KIFC2: variants seen among roughly 807,000 people sequenced by gnomAD.
KIFC2 encodes kinesin family member C2.
KIFC2 carries 94 observed loss-of-function variants against 91.5 expected under a neutral mutation model. The observed-to-expected ratio is 1.03, with a 90% CI of 0.87 to 1.22. The LOEUF is 1.22. Among genes scored for constraint, KIFC2 ranks in the 50% most tolerant of loss-of-function variants. The probability of loss-of-function intolerance (pLI) is 0.00; values close to 1 mark genes in which losing one functional copy is unlikely to be tolerated. For synonymous variants in KIFC2, 729 were observed against 503.9 expected (o/e 1.45, Z -5.98); for missense variants, 1,357 against 1,103.3 (o/e 1.23, Z -3.26).
chr8:144,473,121 C>T lies in KIFC2; in HGVS notation c.2119-11C>T. The T allele has an allele frequency of 6.4e-7, 1 of 1,552,648 alleles. No homozygotes were observed. The highest frequency in any genetic ancestry group is 8.7e-7 in the Non-Finnish European group (1 of 1,149,138). On this transcript the variant is annotated splice_polypyrimidine_tract_variant and intron_variant, in intron 17 of 17. Transcript: ENST00000645548. ...CACCCGGGCCCGCCCACCCGCGCCT[C>T]TTGCCCGCAGATCTCCACGCGGCCG...
chr8:144,472,537 G>A, intron 15 of KIFC2, 40 bp from the exon 16 acceptor site: 2 of 1,612,000 alleles, frequency 1.2e-6, no homozygotes, highest in Non-Finnish European at 1.7e-6. Context: ...CTTGGGGGCG[G>A]GGACCCTGCA....
rs377131841 is a variant in KIFC2 at position 144,472,064 on chromosome 8, C to T, written c.1485+18C>T. On this transcript the variant is annotated intron_variant, in intron 13 of 17. Transcript: ENST00000645548. ...GCATGGAGGTGGGACAGAGCTCACG[C>T]CCCAGTGGGAGAGGCCCCAGGGGCC... The T allele has an allele frequency of 1.4e-5, 22 of 1,613,272 alleles. No homozygotes were observed. Among genetic ancestry groups the T allele is most frequent in the South Asian group, 2.2e-5 (2 of 91,090 alleles).
chr8:144,473,439 C>T lies in KIFC2; in HGVS notation c.*50C>T. 3 of 1,533,476 alleles carry T rather than the reference C, an allele frequency of 2.0e-6. No homozygotes were observed. The highest frequency in any genetic ancestry group is 1.7e-6 in the Non-Finnish European group (2 of 1,144,828). The allele number at this position is 1,533,476 out of a possible 1,614,324, so 95.0% of individuals were successfully genotyped here. ...GGGTCTCAGGCCAGGTCTCTGCTGG[C>T]AGAGGCGGTAGTAAAGTCCCTGTAC... On this transcript the variant is annotated 3_prime_UTR_variant, in exon 18 of 18. Transcript: ENST00000645548.
upstream of KIFC2, chr8:144,466,328 A>G: frequency 2.9e-6 from 1 of 342,782 alleles, no homozygotes; most frequent in Non-Finnish European, 4.6e-6. Flanking sequence ...CGTCGCGAGC[A>G]TGCGCACCGG....
chr8:144,470,505 C>T (rs1341288176), intron 12 of KIFC2: 1 of 152,306 alleles, frequency 6.6e-6, no homozygotes, highest in African/African-American at 2.4e-5. Context: ...CTCAGTGCCA[C>T]CTCCATCCAA....
rs927326144 is a variant in KIFC2 at position 144,473,749 on chromosome 8, C to T, written c.*360C>T. Reference sequence around the variant, plus strand: ...GCATGGCATTAAAACGTTGCAAATTCCTTTACTGTTATCCCCCCCACCACC... The same window carrying T: ...GCATGGCATTAAAACGTTGCAAATTTCTTTACTGTTATCCCCCCCACCACC... On this transcript the variant is annotated 3_prime_UTR_variant, in exon 18 of 18. Coordinates refer to ENST00000645548, the MANE Select transcript of KIFC2 (RefSeq NM_001369769.2). The T allele has an allele frequency of 4.7e-6, 2 of 428,288 alleles. No homozygotes were observed. The highest frequency in any genetic ancestry group is 2.1e-5 in the African/African-American group (1 of 48,748). The allele number at this position is 428,288 out of a possible 1,614,324, so 26.5% of individuals were successfully genotyped here. A position where few individuals can be genotyped will look rare whatever the true frequency, so the allele number is the denominator to read the frequency against.
Position 144,472,517 on chromosome 8 carries a change from C to A in KIFC2, c.1731+33C>A, listed in dbSNP as rs576779491. 5.6e-6 allele frequency: 9 copies of A among 1,611,422 alleles called. No individual in the cohort carries two copies. The Admixed American group carries it at 1.0e-4, about 18-fold the overall frequency. Reference sequence around the variant, plus strand: ...TGCACCGCTCTCCGAGACCCCGCCCCGTGCTTCCACTTGGGGGCGGGGACC... The same window carrying A: ...TGCACCGCTCTCCGAGACCCCGCCCAGTGCTTCCACTTGGGGGCGGGGACC... On this transcript the variant is annotated intron_variant, in intron 15 of 17. Coordinates refer to ENST00000645548, the MANE Select transcript of KIFC2 (RefSeq NM_001369769.2).
At chr8:144,470,072 C>A (rs1188183026) in intron 12 of KIFC2, among the ~76,000 whole-genome samples, 1 of 152,252 alleles carries the variant, frequency 6.6e-6, no homozygotes, top group African/African-American at 2.4e-5. Flanking sequence ...CAGCCCCAGC[C>A]CACCCCACTT....
rs1358864090 is a variant in KIFC2, at chr8:144,467,406, G to A, written c.469+65G>A. 3.2e-6 allele frequency: 5 copies of A among 1,544,982 alleles called. No homozygotes were observed. In the South Asian group the frequency reaches 3.7e-5, roughly 12 times the overall value. ...GAGCAAATCCCGGTAGAACCTGGGC[G>A]GCCTGGAGTTCGGGGTCATGTTCCG... On this transcript the variant is annotated intron_variant, in intron 4 of 17. Transcript: ENST00000645548.
rs2129996290 is a variant in KIFC2 at position 144,469,314 on chromosome 8, C to T, written c.1157C>T (p.Thr386Ile). 6.2e-7 allele frequency: 1 copy of T among 1,606,192 alleles called. No homozygotes were observed. Among genetic ancestry groups the T allele is most frequent in the African/African-American group, 1.3e-5 (1 of 74,880 alleles). ...GCACTGTCATCTGGAGGGCCTGGCA[C>T]TCAGCTCCCTGAGGGGCAGCAAGGG... Reference protein sequence around the residue: ...LGALSSGGPGTQLPEGQQGPP... With the variant: ...LGALSSGGPGIQLPEGQQGPP... Residue 386 changes from threonine (T) to isoleucine (I), a missense_variant, in exon 11 of 18, where the codon ACT becomes ATT. Transcript: ENST00000645548.
chr8:144,468,605 C>T lies in KIFC2; in HGVS notation c.958C>T (p.Gln320Ter). The T allele has an allele frequency of 1.2e-6, 2 of 1,613,076 alleles. No homozygotes were observed. Among genetic ancestry groups the T allele is most frequent in the Non-Finnish European group, 1.7e-6 (2 of 1,179,560 alleles). The change falls in exon 9 of 18, where the codon CAG (glutamine) becomes TAG (stop). Residue 320 changes from glutamine to a stop codon, truncating the protein, a stop_gained. Coordinates refer to ENST00000645548, the MANE Select transcript of KIFC2 (RefSeq NM_001369769.2). LOFTEE classifies it high-confidence loss of function. ...ALQQLQQETE[Q>*]NCRRELQQMH... ...CCAGCAGCTCCAGCAGGAGACGGAG[C>T]AGAACTGCAGGCGTGAGCTACAGCA...
Position 144,466,501 on chromosome 8 carries a change from C to T in KIFC2, c.82C>T (p.Pro28Ser), listed in dbSNP as rs528078206. The T allele has an allele frequency of 2.3e-6, 3 of 1,299,086 alleles. No individual in the cohort carries two copies. Among genetic ancestry groups the T allele is most frequent in the East Asian group, 7.1e-5 (2 of 28,304 alleles). The allele number at this position is 1,299,086 out of a possible 1,614,324, so 80.5% of individuals were successfully genotyped here. Residue 28 changes from proline to serine, a missense_variant, in exon 1 of 18, where the codon CCC becomes TCC. Coordinates refer to ENST00000645548, the MANE Select transcript of KIFC2 (RefSeq NM_001369769.2). Reference protein sequence around the residue: ...RDGGAAAAAEPGDPAQRARKP... With the variant: ...RDGGAAAAAESGDPAQRARKP... ...TGGTGGCGCCGCGGCGGCCGCGGAGCCCGGGGACCCCGCCCAGGTGAGCGG... is the reference window on the plus strand; with the variant it reads ...TGGTGGCGCCGCGGCGGCCGCGGAGTCCGGGGACCCCGCCCAGGTGAGCGG...
rs750961600 is a variant in KIFC2 at position 144,466,428 on chromosome 8, C to T, written c.9C>T (p.Ala3=). Reference sequence around the variant, plus strand: ...TGCCGCCCCGCGCTCCCATGTACGCCTTTTACTCGTTGCTCATCTACATCT... The same window carrying T: ...TGCCGCCCCGCGCTCCCATGTACGCTTTTTACTCGTTGCTCATCTACATCT... MY[A]FYSLLIYIFY... is the part of the protein sequence containing the mutation. Residue 3 remains alanine, a synonymous_variant, in exon 1 of 18, where the codon GCC becomes GCT. Transcript: ENST00000645548. 4.5e-6 allele frequency: 6 copies of T among 1,347,990 alleles called. No individual in the cohort carries two copies. Among genetic ancestry groups the T allele is most frequent in the East Asian group, 3.5e-5 (1 of 28,584 alleles). 83.5% of individuals were successfully genotyped at this position (1,347,990 alleles called of 1,614,324 possible).
In KIFC2 at chr8:144,473,371, A is replaced by G. The variant is rs1367041733; in HGVS notation, c.2358A>G (p.Ala786=). The change falls in exon 18 of 18, where the codon GCA becomes GCG. Residue 786 remains alanine, a synonymous_variant. Transcript: ENST00000645548. ...DNGSGSALAP[A]EGLPL is the part of the protein sequence containing the mutation. Reference sequence around the variant, plus strand: ...GCTCGGGCTCGGCTCTCGCGCCCGCAGAGGGCCTGCCCCTCTAGTCCTGGG... The same window carrying G: ...GCTCGGGCTCGGCTCTCGCGCCCGCGGAGGGCCTGCCCCTCTAGTCCTGGG... The G allele has an allele frequency of 1.4e-5, 22 of 1,578,030 alleles. No individual in the cohort carries two copies. The highest frequency in any genetic ancestry group is 2.3e-5 in the East Asian group (1 of 42,784).
chr8:144,469,731 T>C, intron 12 of KIFC2, 84 bp downstream of exon 12: 1 of 1,465,698 alleles, frequency 6.8e-7, no homozygotes, highest in Non-Finnish European at 9.1e-7. Flanking sequence ...CCCTTCCCAG[T>C]CTGGGTGTCC....
chr8:144,469,495 AT>A lies in KIFC2; in HGVS notation c.1229del (p.Ile410ThrfsTer7). 5 of 1,613,996 alleles carry A rather than the reference AT, an allele frequency of 3.1e-6. No individual in the cohort carries two copies. The highest frequency in any genetic ancestry group is 4.2e-6 in the Non-Finnish European group (5 of 1,180,010). On this transcript the variant is annotated frameshift_variant, in exon 12 of 18. Coordinates refer to ENST00000645548, the MANE Select transcript of KIFC2 (RefSeq NM_001369769.2). LOFTEE classifies it high-confidence loss of function. Reference protein sequence around the residue: ...PGRLPELKGNIRVLCRLRPGT... With the variant: ...PGRLPELKGNXRVLCRLRPGT... ...TGACCTGATCCCCACTGCAGGAAAT[AT>A]CCGTGTGCTGTGTCGGCTGAGGCCA...
chr8:144,466,319 G>C (rs1224089309), upstream of KIFC2: 3 of 303,876 alleles, frequency 9.9e-6, no homozygotes, highest in Non-Finnish European at 1.6e-5. Flanking sequence ...GGGGGCGGCC[G>C]TCGCGAGCAT....
At chr8:144,471,055 C>T (rs1023705368) in intron 12 of KIFC2, among the ~76,000 whole-genome samples, 4 of 151,428 alleles carry the variant, frequency 2.6e-5, no homozygotes, top group African/African-American at 7.3e-5. Flanking sequence ...CCTCCGCCTC[C>T]TGGGTTCAAG....
Position 144,468,554 on chromosome 8 carries a change from C to A in KIFC2, c.907C>A (p.Gln303Lys), listed in dbSNP as rs1824787967. The change falls in exon 9 of 18, where the codon CAG (glutamine) becomes AAG (lysine). Residue 303 changes from glutamine (Q) to lysine (K), a missense_variant. By Grantham distance (53) the Gln-to-Lys change is moderately conservative. Transcript: ENST00000645548. ...GGGGCAGCTGGGGGTGCAGGAGGTGCAGCTGCAGGGCCTTCAAGGGGCCCT... is the reference window on the plus strand; with the variant it reads ...GGGGCAGCTGGGGGTGCAGGAGGTGAAGCTGCAGGGCCTTCAAGGGGCCCT... Reference protein sequence around the residue: ...LRAQLGVQEVQLQGLQGALQQ... With the variant: ...LRAQLGVQEVKLQGLQGALQQ... The A allele has an allele frequency of 6.3e-7, 1 of 1,590,470 alleles. No homozygotes were observed. The highest frequency in any genetic ancestry group is 8.6e-7 in the Non-Finnish European group (1 of 1,168,760).
Sources: allele counts gnomAD v4.1 joint callset (sites outside exome capture counted in the v4.1 genomes callset), GRCh38; gene constraint gnomAD v4.1.1; transcripts MANE v1.5; gene names NCBI Gene and HGNC (gene_info 2026-07-23, HGNC 2026-07-21).